The following KCNH1 variants were observed in gnomAD, a reference collection of about 807,000 sequenced individuals.
The protein encoded by KCNH1 is voltage-gated delayed rectifier potassium channel KCNH1.
Under a neutral mutation model 69.2 loss-of-function variants are expected in KCNH1, and 27 were observed. The ratio of observed to expected loss-of-function variants is 0.39; its 90% CI spans 0.29 to 0.54. The LOEUF is 0.54. Among genes scored for constraint, KCNH1 ranks in the 20% least tolerant of loss-of-function variants. The pLI, the probability that KCNH1 is intolerant of heterozygous loss-of-function variation, is 0.68. For missense variants in KCNH1, 798 were observed against 1,261.6 expected, an observed-to-expected ratio of 0.63 and a Z score of 5.57; for synonymous variants, 456 against 487.7, an observed-to-expected ratio of 0.93 and a Z score of 0.86.
chr1:210,744,650 A>AAAAAC (rs775646580), intron 10 of KCNH1, among the ~76,000 whole-genome samples: 4 of 152,166 alleles, frequency 2.6e-5, no homozygotes, highest in Non-Finnish European at 5.9e-5. Context: ...TCTCAAAAAC[A>AAAAAC]AAAACAAAAC....
chr1:211,032,912 G>A (rs1286738331), intron 5 of KCNH1, among the ~76,000 whole-genome samples: 2 of 152,126 alleles, frequency 1.3e-5, no homozygotes, highest in Non-Finnish European at 2.9e-5. Flanking sequence ...TTGACAAATG[G>A]GATCTAATTA....
At chr1:210,734,400 A>G (rs1682822164) in intron 10 of KCNH1, among the ~76,000 whole-genome samples, 1 of 152,214 alleles carries the variant, frequency 6.6e-6, no homozygotes, top group Non-Finnish European at 1.5e-5. Flanking sequence ...AAAATGTCCC[A>G]GAAGGTACAG....
chr1:210,889,307 A>C (rs996872079), intron 7 of KCNH1, among the ~76,000 whole-genome samples: 2 of 152,076 alleles, frequency 1.3e-5, no homozygotes, highest in Admixed American at 6.5e-5. Context: ...CAAAAACCAC[A>C]TGATTATTTC....
chr1:210,907,885 A>G (rs4951683), intron 7 of KCNH1, among the ~76,000 whole-genome samples: 10,011 of 152,316 alleles, frequency 0.066, 434 homozygotes, highest in East Asian at 0.12. Flanking sequence ...CCCTTAAGCC[A>G]TAAGTTGGGT....
intron 7 of KCNH1, among the ~76,000 whole-genome samples, chr1:210,892,299 C>T (rs551383982): frequency 1.6e-4 from 25 of 152,170 alleles, no homozygotes; most frequent in African/African-American, 5.8e-4. Context: ...AAAACAGCCT[C>T]ATTGCTTTTG....
At chr1:210,805,712 C>A (rs183149009) in intron 7 of KCNH1, among the ~76,000 whole-genome samples, 16 of 152,302 alleles carry the variant, frequency 1.1e-4, no homozygotes, top group African/African-American at 3.8e-4. Context: ...ATATATTCCT[C>A]CGAAAATAAA....
intron 7 of KCNH1, chr1:210,859,666 C>T: frequency 7.7e-7 from 1 of 1,295,674 alleles, no homozygotes; most frequent in Non-Finnish European, 1.1e-6. Context: ...GGCATATGCT[C>T]TTTTTAATCC....
chr1:210,851,063 A>G (rs1456256843), intron 7 of KCNH1, among the ~76,000 whole-genome samples: 2 of 152,234 alleles, frequency 1.3e-5, no homozygotes, highest in Admixed American at 1.3e-4. Flanking sequence ...GTATCCTCAG[A>G]AGACAAAGCC....
chr1:211,022,981 G>T (rs1295363230), intron 5 of KCNH1, among the ~76,000 whole-genome samples: 1 of 151,834 alleles, frequency 6.6e-6, no homozygotes, highest in Non-Finnish European at 1.5e-5. Flanking sequence ...CATGGTGGTG[G>T]ATACCTGTAA....
intron 10 of KCNH1, among the ~76,000 whole-genome samples, chr1:210,759,052 G>A (rs768970692): frequency 2.6e-5 from 4 of 151,978 alleles, no homozygotes; most frequent in Non-Finnish European, 4.4e-5. Flanking sequence ...AAAGCTCCCA[G>A]AAATGAAGCA....
intron 6 of KCNH1, among the ~76,000 whole-genome samples, chr1:210,994,761 A>C (rs1688996653): frequency 6.6e-6 from 1 of 152,222 alleles, no homozygotes; most frequent in Non-Finnish European, 1.5e-5. Context: ...GTTATACCCC[A>C]GTAGATGTGC....
At chr1:210,942,200 A>C (rs1687889061) in intron 6 of KCNH1, among the ~76,000 whole-genome samples, 1 of 152,230 alleles carries the variant, frequency 6.6e-6, no homozygotes, top group Non-Finnish European at 1.5e-5. Flanking sequence ...AACTTTTGAG[A>C]ATAAGAGAAG....
At chr1:210,983,528 A>C (rs960123968) in intron 6 of KCNH1, among the ~76,000 whole-genome samples, 8 of 152,330 alleles carry the variant, frequency 5.3e-5, no homozygotes, top group Admixed American at 1.3e-4. Flanking sequence ...TAAATAGGGA[A>C]TCCTTTCCCC....
chr1:211,115,701 C>CTATATATATACATA (rs1691561618), intron 1 of KCNH1, among the ~76,000 whole-genome samples: 1 of 70,794 alleles, frequency 1.4e-5, no homozygotes, highest in Non-Finnish European at 2.7e-5. Flanking sequence ...ATAAACTCCC[C>CTATATATATACATA]TATATATATA....
chr1:211,061,163 A>G (rs1441164377), intron 5 of KCNH1, among the ~76,000 whole-genome samples: 2 of 152,184 alleles, frequency 1.3e-5, no homozygotes, highest in African/African-American at 4.8e-5. Flanking sequence ...AAATTATGCA[A>G]ATTAATCAGT....
intron 7 of KCNH1, among the ~76,000 whole-genome samples, chr1:210,877,923 T>C (rs1686413121): frequency 6.6e-6 from 1 of 152,146 alleles, no homozygotes; most frequent in African/African-American, 2.4e-5. Flanking sequence ...ATGCAAGAAA[T>C]TGATTAAATG....
intron 1 of KCNH1, among the ~76,000 whole-genome samples, chr1:211,131,411 C>T (rs1166303104): frequency 6.6e-6 from 1 of 152,150 alleles, no homozygotes; most frequent in Non-Finnish European, 1.5e-5. Context: ...GCATTGTTTG[C>T]TCTGCCACTT....
chr1:210,788,903 AGCCGG>A (rs1684161150), intron 9 of KCNH1, among the ~76,000 whole-genome samples: 1 of 148,402 alleles, frequency 6.7e-6, no homozygotes, highest in African/African-American at 2.6e-5. Context: ...TCACCGTTTT[AGCCGG>A]GATGGTCTCG....
intron 7 of KCNH1, among the ~76,000 whole-genome samples, chr1:210,876,545 T>G (rs1686378784): frequency 6.6e-6 from 1 of 152,174 alleles, no homozygotes; most frequent in South Asian, 2.1e-4. Flanking sequence ...CAGGGCTAAC[T>G]AGGTCTATGG....
Sources: allele counts gnomAD v4.1 joint callset (sites outside exome capture counted in the v4.1 genomes callset), GRCh38; gene constraint gnomAD v4.1.1; transcripts MANE v1.5; gene names NCBI Gene and HGNC (gene_info 2026-07-23, HGNC 2026-07-21).